The following GRM7 variants were observed in gnomAD, a reference collection of about 807,000 sequenced individuals.
GRM7 encodes the protein glutamate metabotropic receptor 7.
GRM7 carries 35 observed loss-of-function variants against 84.5 expected under a neutral mutation model. That is an observed-to-expected ratio of 0.41 (90% CI 0.32 to 0.55). GRM7 has a LOEUF of 0.55. Ranked by LOEUF, GRM7 falls within the 20% of genes least tolerant of loss-of-function variation. The pLI, the probability that GRM7 is intolerant of heterozygous loss-of-function variation, is 0.19. For synonymous variants in GRM7, 487 were observed against 455.1 expected, an observed-to-expected ratio of 1.07 and a Z score of -0.89; for missense variants, 1,003 against 1,194.6, an observed-to-expected ratio of 0.84 and a Z score of 2.36.
In GRM7 at chr3:7,383,617, C is replaced by T. The variant is rs530022169; in HGVS notation, c.1034-31406C>T. Among the ~76,000 whole-genome samples the T allele has an allele frequency of 2.0e-5, 3 of 152,258 alleles. No individual in the cohort carries two copies. The East Asian group carries it at 5.8e-4, about 29-fold the overall frequency. On this transcript the variant is annotated intron_variant, in intron 4 of 9. Coordinates refer to ENST00000357716, the MANE Select transcript of GRM7 (RefSeq NM_000844.4). ...TTTAGTATATAACATTGAGATACAC[C>T]ATTAAGAGGCCCTTCAAAGGAAATG...
chr3:7,663,831 C>T lies in GRM7; in HGVS notation c.2452-16218C>T, dbSNP rs181856186. The stretch of plus-strand genomic sequence containing the variant: ...TAAGGATTTATAAACAGCCTTTATA[C>T]GAATTCCCACAAATATTAAGTGAAA... On this transcript the variant is annotated intron_variant, in intron 8 of 9. Transcript: ENST00000357716. Among the ~76,000 whole-genome samples, 455 of 152,238 alleles carry T rather than the reference C, an allele frequency of 3.0e-3. 6 individuals are homozygous for T. Among genetic ancestry groups the T allele is most frequent in the Middle Eastern group, 0.017 (5 of 294 alleles).
intron 4 of GRM7, among the ~76,000 whole-genome samples, chr3:7,383,881 C>G (rs1694685200): frequency 6.6e-6 from 1 of 152,162 alleles, no homozygotes; most frequent in Non-Finnish European, 1.5e-5. Flanking sequence ...CCTTGTCCCT[C>G]TTCAGCTTCG....
At chr3:7,452,204 G>A (rs1466175821) in intron 5 of GRM7, among the ~76,000 whole-genome samples, 2 of 152,088 alleles carry the variant, frequency 1.3e-5, no homozygotes, top group African/African-American at 4.8e-5. Flanking sequence ...GGTACAATAG[G>A]TGTGTAGAAA....
intron 1 of GRM7, among the ~76,000 whole-genome samples, chr3:7,110,314 A>T (rs1205931167): frequency 6.6e-6 from 1 of 152,056 alleles, no homozygotes; most frequent in Non-Finnish European, 1.5e-5. Flanking sequence ...TATAATACTG[A>T]TTCAGGCCAG....
chr3:7,355,144 A>G (rs1235448189), intron 4 of GRM7, among the ~76,000 whole-genome samples: 1 of 152,148 alleles, frequency 6.6e-6, no homozygotes, highest in Admixed American at 6.6e-5. Context: ...AATTTCTAGG[A>G]GTCCAGGTGT....
intron 2 of GRM7, among the ~76,000 whole-genome samples, chr3:7,245,977 A>C (rs991185503): frequency 4.6e-5 from 7 of 152,150 alleles, no homozygotes; most frequent in African/African-American, 1.7e-4. Context: ...TAAAAATTTC[A>C]GAACATTAAT....
At chr3:7,661,418 A>G (rs1400238086) in intron 8 of GRM7, among the ~76,000 whole-genome samples, 1 of 152,196 alleles carries the variant, frequency 6.6e-6, no homozygotes, top group Non-Finnish European at 1.5e-5. Flanking sequence ...CCTATTAGAA[A>G]GGCTGAAGTT....
At chr3:6,907,165 A>G (rs1696609149) in intron 1 of GRM7, among the ~76,000 whole-genome samples, 1 of 152,156 alleles carries the variant, frequency 6.6e-6, no homozygotes, top group African/African-American at 2.4e-5. Context: ...TCAGCCTTTC[A>G]ATGTGCTAGA....
intron 7 of GRM7, among the ~76,000 whole-genome samples, chr3:7,496,061 T>TC (rs1699691725): frequency 6.6e-6 from 1 of 152,170 alleles, no homozygotes; most frequent in African/African-American, 2.4e-5. Context: ...TCATCCTGCG[T>TC]CCCTCTTATC....
At chr3:7,103,821 T>TCC (rs2125025553) in intron 1 of GRM7, among the ~76,000 whole-genome samples, 2 of 131,612 alleles carry the variant, frequency 1.5e-5, no homozygotes, top group African/African-American at 7.2e-5. Flanking sequence ...TTTCTTTCTC[T>TCC]CTCTCTCTGT....
chr3:7,721,423 C>A (rs181518147), intron 9 of GRM7, among the ~76,000 whole-genome samples: 1 of 152,184 alleles, frequency 6.6e-6, no homozygotes, highest in African/African-American at 2.4e-5. Flanking sequence ...TGTGTATGTA[C>A]AGACATACGC....
chr3:7,141,879 G>A lies in GRM7; in HGVS notation c.520-4573G>A, dbSNP rs183200916. On this transcript the variant is annotated intron_variant, in intron 1 of 9. Transcript: ENST00000357716. Reference sequence around the variant, plus strand: ...AATCAAGTAGTTAACCATTTGGAAGGAAAAAAGTATAGATTACTGTTCTTT... The same window carrying A: ...AATCAAGTAGTTAACCATTTGGAAGAAAAAAAGTATAGATTACTGTTCTTT... Among the ~76,000 whole-genome samples, 45 of 152,042 alleles carry A rather than the reference G, an allele frequency of 3.0e-4. No individual in the cohort carries two copies. In the East Asian group the frequency reaches 8.5e-3, roughly 29 times the overall value.
intron 2 of GRM7, among the ~76,000 whole-genome samples, chr3:7,238,031 G>A (rs1697410256): frequency 6.6e-6 from 1 of 152,148 alleles, no homozygotes; most frequent in Non-Finnish European, 1.5e-5. Flanking sequence ...TGACCCAGAA[G>A]CCCAGCTGGC....
rs548010670 is a variant in GRM7 at position 7,353,277 on chromosome 3, C to A, written c.1033+46625C>A. 2.6e-5 allele frequency among the ~76,000 whole-genome samples: 4 copies of A among 152,088 alleles called. No individual in the cohort carries two copies. In the East Asian group the frequency reaches 7.8e-4, roughly 30 times the overall value. ...AACTACTTGATTTTTCTAATTTATA[C>A]AGGTAGAAATCCAGGAAACATGTAA... On this transcript the variant is annotated intron_variant, in intron 4 of 9. Transcript: ENST00000357716.
intron 1 of GRM7, among the ~76,000 whole-genome samples, chr3:7,120,363 A>G (rs1216456195): frequency 6.6e-6 from 1 of 152,112 alleles, no homozygotes; most frequent in Non-Finnish European, 1.5e-5. Flanking sequence ...GGGAGTGAGA[A>G]GCTGGAAAAA....
At chr3:7,425,213 CT>C (rs1352009866) in intron 5 of GRM7, among the ~76,000 whole-genome samples, 1 of 152,176 alleles carries the variant, frequency 6.6e-6, no homozygotes, top group Non-Finnish European at 1.5e-5. Context: ...TTGGTCCGCA[CT>C]GATAAACAGC....
intron 1 of GRM7, among the ~76,000 whole-genome samples, chr3:6,936,136 G>C (rs542214680): frequency 6.6e-6 from 1 of 152,270 alleles, no homozygotes; most frequent in African/African-American, 2.4e-5. Context: ...CAGCATTCAA[G>C]GTTCCTCCAG....
chr3:7,573,013 C>T (rs116817659), intron 7 of GRM7, among the ~76,000 whole-genome samples: 1,862 of 150,036 alleles, frequency 0.012, 27 homozygotes, highest in African/African-American at 0.043. Context: ...AAATTCTGTT[C>T]GCTGTCTAGT....
At chr3:7,294,785 C>G (rs1699758629) in intron 2 of GRM7, among the ~76,000 whole-genome samples, 1 of 152,172 alleles carries the variant, frequency 6.6e-6, no homozygotes, top group African/African-American at 2.4e-5. Context: ...CACAAACTGA[C>G]TAAGAATCTC....
Sources: gnomAD v4.1 joint callset for allele counts (sites outside exome capture counted in the v4.1 genomes callset) on GRCh38, gnomAD v4.1.1 for gene constraint, MANE v1.5 for transcripts, NCBI Gene and HGNC (gene_info 2026-07-23, HGNC 2026-07-21) for gene names.